Variants in EYS observed in about 807,000 individuals in gnomAD.
The protein encoded by EYS is protein eyes shut homolog.
A neutral mutation model predicts 282.1 loss-of-function variants in EYS; 250 were observed. The ratio of observed to expected loss-of-function variants is 0.89; its 90% CI spans 0.80 to 0.98. EYS has a LOEUF of 0.98. Among genes scored for constraint, EYS ranks in the 50% least tolerant of loss-of-function variants. EYS has a pLI of 0.00. For missense variants in EYS, 4,016 were observed against 3,709.0 expected, an observed-to-expected ratio of 1.08 and a Z score of -2.15; for synonymous variants, 1,355 against 1,282.9, an observed-to-expected ratio of 1.06 and a Z score of -1.20.
chr6:64,089,968 A>G (rs1772296586), intron 31 of EYS, among the ~76,000 whole-genome samples: 1 of 152,088 alleles, frequency 6.6e-6, no homozygotes, highest in Admixed American at 6.6e-5. Context: ...TTACTTTTTC[A>G]TCCCTGATTT....
At chr6:65,672,398 A>T (rs1768421411) in intron 1 of EYS, among the ~76,000 whole-genome samples, 1 of 152,116 alleles carries the variant, frequency 6.6e-6, no homozygotes, top group Non-Finnish European at 1.5e-5. Context: ...AAACCAGTAA[A>T]ATCTCCCTAA....
At chr6:63,823,712 A>G (rs992527909) in intron 36 of EYS, among the ~76,000 whole-genome samples, 1 of 151,696 alleles carries the variant, frequency 6.6e-6, no homozygotes, top group Non-Finnish European at 1.5e-5. Context: ...CCTTTTTGTA[A>G]TTTATTTTGG....
At chr6:64,916,759 GA>G (rs1264882374) in intron 15 of EYS, among the ~76,000 whole-genome samples, 2 of 152,100 alleles carry the variant, frequency 1.3e-5, no homozygotes, top group Admixed American at 1.3e-4. Flanking sequence ...GTAAACACTT[GA>G]AAACAAGTAA....
intron 29 of EYS, among the ~76,000 whole-genome samples, chr6:64,323,180 T>A (rs1195302140): frequency 6.6e-6 from 1 of 152,082 alleles, no homozygotes; most frequent in Non-Finnish European, 1.5e-5. Flanking sequence ...AAGAAACACC[T>A]TACCTGTTAG....
intron 18 of EYS, among the ~76,000 whole-genome samples, chr6:64,896,071 T>A (rs1767452090): frequency 6.6e-6 from 1 of 152,110 alleles, no homozygotes; most frequent in Admixed American, 6.5e-5. Flanking sequence ...AAAGATATTT[T>A]AAAAATCATA....
At chr6:64,316,415 C>A (rs1196335591) in intron 29 of EYS, among the ~76,000 whole-genome samples, 1 of 152,058 alleles carries the variant, frequency 6.6e-6, no homozygotes, top group Non-Finnish European at 1.5e-5. Context: ...TATTCCTATA[C>A]ACTAATAACA....
chr6:64,940,094 C>T (rs1026482821), intron 15 of EYS, among the ~76,000 whole-genome samples: 7 of 151,968 alleles, frequency 4.6e-5, no homozygotes, highest in East Asian at 3.9e-4. Context: ...TAAAATTCTG[C>T]TCCCTTCTTG....
At chr6:65,319,566 T>A (rs1769414067) in intron 11 of EYS, among the ~76,000 whole-genome samples, 1 of 152,164 alleles carries the variant, frequency 6.6e-6, no homozygotes, top group Non-Finnish European at 1.5e-5. Flanking sequence ...TGTTGAATTA[T>A]ATTTGTGTCT....
At chr6:65,420,295 T>C (rs1767405264) in intron 5 of EYS, among the ~76,000 whole-genome samples, 1 of 152,008 alleles carries the variant, frequency 6.6e-6, no homozygotes, top group African/African-American at 2.4e-5. Flanking sequence ...TTGTTGTAAC[T>C]TCAACAATGT....
intron 29 of EYS, among the ~76,000 whole-genome samples, chr6:64,373,278 T>C (rs892257984): frequency 1.3e-5 from 2 of 152,210 alleles, no homozygotes; most frequent in Admixed American, 6.5e-5. Flanking sequence ...GATTATGGTA[T>C]AGGTGTGCTT....
At chr6:65,549,438 G>A (rs185307743) in intron 2 of EYS, among the ~76,000 whole-genome samples, 2 of 152,186 alleles carry the variant, frequency 1.3e-5, no homozygotes, top group African/African-American at 4.8e-5. Flanking sequence ...CTGCCTTCCT[G>A]TTTTGGTAAA....
intron 2 of EYS, among the ~76,000 whole-genome samples, chr6:65,528,691 T>C (rs1767657741): frequency 6.6e-6 from 1 of 152,180 alleles, no homozygotes; most frequent in Non-Finnish European, 1.5e-5. Flanking sequence ...ATAAATTACC[T>C]AGTCTCGACT....
chr6:65,128,211 T>G (rs777583936), intron 12 of EYS, among the ~76,000 whole-genome samples: 14 of 151,950 alleles, frequency 9.2e-5, no homozygotes, highest in Non-Finnish European at 1.9e-4. Flanking sequence ...AAAGTTATAT[T>G]TACAGAGAAA....
intron 26 of EYS, among the ~76,000 whole-genome samples, chr6:64,555,477 TAA>T (rs966073363): frequency 5.3e-5 from 8 of 152,006 alleles, no homozygotes; most frequent in Non-Finnish European, 7.4e-5. Context: ...TGAAAATTGC[TAA>T]GAGAGATTAT....
intron 26 of EYS, among the ~76,000 whole-genome samples, chr6:64,468,648 C>G (rs574069588): frequency 6.6e-6 from 1 of 152,274 alleles, no homozygotes; most frequent in South Asian, 2.1e-4. Flanking sequence ...GATCCTCACC[C>G]TCCTCCCACC....
chr6:64,665,875 T>C (rs1769212112), intron 22 of EYS, among the ~76,000 whole-genome samples: 3 of 152,150 alleles, frequency 2.0e-5, no homozygotes. Context: ...TATTACCCAA[T>C]TTGCTGTTTT....
intron 12 of EYS, among the ~76,000 whole-genome samples, chr6:65,287,447 A>G (rs1347841501): frequency 6.6e-6 from 1 of 151,568 alleles, no homozygotes; most frequent in African/African-American, 2.4e-5. Flanking sequence ...CCAGATGTGC[A>G]TACAATTAGA....
At chr6:65,609,597 G>T (rs1765922650) in intron 2 of EYS, among the ~76,000 whole-genome samples, 1 of 151,936 alleles carries the variant, frequency 6.6e-6, no homozygotes, top group South Asian at 2.1e-4. Context: ...TGAAAGGTTT[G>T]AATTGCCACC....
intron 2 of EYS, among the ~76,000 whole-genome samples, chr6:65,595,496 A>G (rs1009406736): frequency 2.0e-5 from 3 of 152,022 alleles, no homozygotes; most frequent in Non-Finnish European, 4.4e-5. Flanking sequence ...CATCATTCAC[A>G]TAACCTTAAG....
Sources: gnomAD v4.1 joint callset for allele counts (sites outside exome capture counted in the v4.1 genomes callset) on GRCh38, gnomAD v4.1.1 for gene constraint, MANE v1.5 for transcripts, NCBI Gene and HGNC (gene_info 2026-07-23, HGNC 2026-07-21) for gene names.